Variants in CDK19 observed in about 807,000 individuals in gnomAD.
CDK19 encodes cyclin-dependent kinase 19.
CDK19 carries 20 observed loss-of-function variants against 68.3 expected under a neutral mutation model. That is an observed-to-expected ratio of 0.29 (90% CI 0.21 to 0.43). CDK19 has a LOEUF of 0.43. CDK19 is among the 20% of genes least tolerant of loss of function. The pLI is 1.00. For synonymous variants in CDK19, 221 were observed against 222.8 expected, an observed-to-expected ratio of 0.99 and a Z score of 0.07; for missense variants, 339 against 623.5, an observed-to-expected ratio of 0.54 and a Z score of 4.86.
chr6:110,733,515 C>G (rs1273644166), intron 2 of CDK19, among the ~76,000 whole-genome samples: 2 of 152,122 alleles, frequency 1.3e-5, no homozygotes, highest in African/African-American at 4.8e-5. Flanking sequence ...ATAAATTCAT[C>G]AGAAACTGCA....
intron 4 of CDK19, among the ~76,000 whole-genome samples, chr6:110,640,231 C>CAAAAAAAAAAAAAAAAAAAAAAAACAAAA (rs1780054909): frequency 1.2e-5 from 1 of 80,714 alleles, no homozygotes; most frequent in African/African-American, 4.7e-5. Context: ...GACCCTGTCA[C>CAAAAAAAAAAAAAAAAAAAAAAAACAAAA]AAAAAAAAAA....
intron 1 of CDK19, among the ~76,000 whole-genome samples, chr6:110,770,382 G>A (rs910733754): frequency 6.6e-6 from 1 of 152,176 alleles, no homozygotes; most frequent in Non-Finnish European, 1.5e-5. Context: ...TTACATGGTG[G>A]CAGCAAGAGA....
At chr6:110,706,471 G>C (rs60268307) in intron 2 of CDK19, 21,440 of 124,838 alleles carry the variant, frequency 0.17, 1,859 homozygotes, top group East Asian at 0.35. Context: ...CTGGAGTGCA[G>C]TGGCGTGATC....
At chr6:110,747,739 A>G (rs1778176775) in intron 1 of CDK19, among the ~76,000 whole-genome samples, 1 of 152,226 alleles carries the variant, frequency 6.6e-6, no homozygotes, top group Non-Finnish European at 1.5e-5. Context: ...TTTAAAAAGC[A>G]AAGTCAAAAA....
intron 5 of CDK19, 103 bp downstream of exon 5, chr6:110,638,546 G>T: frequency 1.5e-6 from 1 of 686,210 alleles, no homozygotes. Context: ...TAATGAGAAA[G>T]TAATTTTAAA....
At chr6:110,668,430 T>C (rs1353134950) in intron 3 of CDK19, among the ~76,000 whole-genome samples, 1 of 152,236 alleles carries the variant, frequency 6.6e-6, no homozygotes, top group Non-Finnish European at 1.5e-5. Flanking sequence ...GTAATAACAT[T>C]GATTTGATTT....
At chr6:110,740,067 TG>T (rs1777537744) in intron 2 of CDK19, among the ~76,000 whole-genome samples, 1 of 151,826 alleles carries the variant, frequency 6.6e-6, no homozygotes, top group Non-Finnish European at 1.5e-5. Context: ...TCTGCTCTTG[TG>T]GGGGGAAAAA....
intron 2 of CDK19, 32 bp downstream of exon 2, chr6:110,746,094 T>G: frequency 8.6e-7 from 1 of 1,158,408 alleles, no homozygotes; most frequent in African/African-American, 1.6e-5. Flanking sequence ...ATATCAATAA[T>G]AAAATAAATA....
At position 110,621,813 on chromosome 6, in the gene CDK19, G is replaced by A. The variant is rs894282254; in HGVS notation, c.1110+275C>T. ...AGCCAGCCTGCATAAAGGGGTGGTA[G>A]TGACACCAAACAAACAGAAAGAGCA... On this transcript the variant is annotated intron_variant, in intron 11 of 12. Coordinates refer to ENST00000368911, the MANE Select transcript of CDK19 (RefSeq NM_015076.5). The surrounding 1 kb of genome is among the most constrained non-coding windows in gnomAD (Gnocchi z 5.4). Among the ~76,000 whole-genome samples the A allele has an allele frequency of 6.6e-6, 1 of 152,174 alleles. No homozygotes were observed. Among genetic ancestry groups the A allele is most frequent in the Non-Finnish European group, 1.5e-5 (1 of 68,030 alleles).
intron 1 of CDK19, among the ~76,000 whole-genome samples, chr6:110,758,668 A>G (rs1430278249): frequency 6.6e-6 from 1 of 152,160 alleles, no homozygotes; most frequent in Non-Finnish European, 1.5e-5. Flanking sequence ...AAAGATAAAA[A>G]TATATATATT....
chr6:110,617,716 G>A (rs1778424936), intron 12 of CDK19, among the ~76,000 whole-genome samples: 2 of 136,022 alleles, frequency 1.5e-5, no homozygotes, highest in East Asian at 4.2e-4. Flanking sequence ...AATTAGCCGG[G>A]AGTGGTGATA....
chr6:110,761,627 G>A (rs1305264900), intron 1 of CDK19, among the ~76,000 whole-genome samples: 4 of 147,030 alleles, frequency 2.7e-5, no homozygotes, highest in Non-Finnish European at 4.5e-5. Context: ...AGGAGATGTG[G>A]ACTAGAGATA....
At chr6:110,756,802 A>G (rs1294945768) in intron 1 of CDK19, among the ~76,000 whole-genome samples, 1 of 152,232 alleles carries the variant, frequency 6.6e-6, no homozygotes, top group Non-Finnish European at 1.5e-5. Flanking sequence ...CATTTACAAA[A>G]AAGAAAAAAT....
chr6:110,666,103 T>C (rs1359046712), intron 4 of CDK19, among the ~76,000 whole-genome samples: 1 of 131,392 alleles, frequency 7.6e-6, no homozygotes, highest in African/African-American at 2.5e-5. Flanking sequence ...CATGGAAGCC[T>C]CAAAGAATCT....
intron 12 of CDK19, among the ~76,000 whole-genome samples, chr6:110,616,784 T>A (rs1778340682): frequency 6.6e-6 from 1 of 152,186 alleles, no homozygotes; most frequent in Admixed American, 6.5e-5. Context: ...CGTGTTTTAT[T>A]TTGAAGTTTA....
intron 2 of CDK19, among the ~76,000 whole-genome samples, chr6:110,695,100 G>A (rs756202452): frequency 6.6e-6 from 1 of 151,650 alleles, no homozygotes; most frequent in African/African-American, 2.4e-5. Flanking sequence ...CTGAGCCAGA[G>A]AGTAGGACAA....
intron 2 of CDK19, among the ~76,000 whole-genome samples, chr6:110,719,437 G>A (rs1414210738): frequency 2.0e-5 from 3 of 152,070 alleles, no homozygotes; most frequent in African/African-American, 7.2e-5. Flanking sequence ...GGTGAGGGGA[G>A]CACTTTAGCA....
At chr6:110,758,000 T>A (rs188286064) in intron 1 of CDK19, among the ~76,000 whole-genome samples, 2 of 152,228 alleles carry the variant, frequency 1.3e-5, no homozygotes, top group East Asian at 3.9e-4. Context: ...GAGACCAGCC[T>A]GGGCAACGTG....
rs1273659955 is a variant in CDK19 at position 110,623,149 on chromosome 6, G to A, written c.933+141C>T. The A allele has an allele frequency of 4.3e-6, 3 of 699,458 alleles. No homozygotes were observed. The East Asian group carries it at 7.9e-5, about 18-fold the overall frequency. 43.3% of individuals were successfully genotyped at this position (699,458 alleles called of 1,614,324 possible). ...TAAAGTGAAGGCTGAAAGACAGGGT[G>A]ACATCTCAACAAAAAAAATATTTAA... On this transcript the variant is annotated intron_variant, in intron 9 of 12. Coordinates refer to ENST00000368911, the MANE Select transcript of CDK19 (RefSeq NM_015076.5).
Sources: allele counts gnomAD v4.1 joint callset (sites outside exome capture counted in the v4.1 genomes callset), GRCh38; gene constraint gnomAD v4.1.1; non-coding constraint Gnocchi (gnomAD v3.1); transcripts MANE v1.5; gene names NCBI Gene and HGNC (gene_info 2026-07-23, HGNC 2026-07-21).